PI4KA: variants seen among roughly 807,000 people sequenced by gnomAD.
PI4KA encodes PI4-kinase alpha.
PI4KA carries 122 observed loss-of-function variants against 271.4 expected under a neutral mutation model. The observed-to-expected ratio is 0.45, with a 90% confidence interval of 0.39 to 0.52. PI4KA has a LOEUF of 0.52. Ranked by LOEUF, PI4KA falls within the 20% of genes least tolerant of loss-of-function variation. The pLI is 0.00. For missense variants in PI4KA, 1,969 were observed against 2,769.1 expected, an observed-to-expected ratio of 0.71 and a Z score of 6.48; for synonymous variants, 1,041 against 1,078.8, an observed-to-expected ratio of 0.96 and a Z score of 0.69.
chr22:20,718,936 G>A, intron 43 of PI4KA, 114 bp from the exon 44 acceptor site: 1 of 1,119,128 alleles, frequency 8.9e-7, no homozygotes, highest in Admixed American at 2.5e-5. Flanking sequence ...TGCTCTGCAG[G>A]CTTGGTGAGA....
At chr22:20,741,068 A>AT (rs1261700783) in intron 32 of PI4KA, among the ~76,000 whole-genome samples, 2 of 152,204 alleles carry the variant, frequency 1.3e-5, no homozygotes, top group African/African-American at 2.4e-5. Flanking sequence ...AAGACTTTTG[A>AT]TTTTTTTGAA....
intron 28 of PI4KA, 95 bp from the exon 29 acceptor site, chr22:20,747,797 C>A (rs776941018): frequency 8.1e-5 from 99 of 1,218,920 alleles, no homozygotes; most frequent in Non-Finnish European, 1.1e-4. Context: ...TGTGGTGGCA[C>A]GATCATGGCT....
chr22:20,714,779 T>G (rs1925763509), intron 45 of PI4KA, 79 bp from the exon 46 acceptor site: 1 of 1,492,320 alleles, frequency 6.7e-7, no homozygotes, highest in South Asian at 1.2e-5. Flanking sequence ...ACACGGATGT[T>G]ACATGCGTGT....
chr22:20,714,907 C>T lies in PI4KA; in HGVS notation c.5318-207G>A, dbSNP rs1460329295. The stretch of plus-strand genomic sequence containing the variant: ...GTCCTCCTTGACTCTTCGACTCTTC[C>T]AGCCATCAACCAAATAAGTCTGCAC... On this transcript the variant is annotated intron_variant, in intron 45 of 54. Coordinates refer to ENST00000255882, the MANE Select transcript of PI4KA (RefSeq NM_058004.4). 3.3e-5 allele frequency among the ~76,000 whole-genome samples: 5 copies of T among 152,292 alleles called. No homozygotes were observed. In the East Asian group the frequency reaches 9.6e-4, roughly 29 times the overall value.
intron 1 of PI4KA, among the ~76,000 whole-genome samples, chr22:20,846,263 CAA>C (rs361641): frequency 0.49 from 39,883 of 80,572 alleles, 5,574 homozygotes; most frequent in African/African-American, 0.53. Context: ...GACTCTATCT[CAA>C]AAAAAAAAAA....
rs361914 is a variant in PI4KA at position 20,824,732 on chromosome 22, TCACACACACACACA to T, written c.368-332_368-319del. 3.9e-3 allele frequency among the ~76,000 whole-genome samples: 537 copies of T among 136,292 alleles called. 3 individuals carry two copies. Among genetic ancestry groups the T allele is most frequent in the African/African-American group, 9.9e-3 (362 of 36,468 alleles). The allele number at this position is 136,292 out of a possible 152,430, so 89.4% of individuals were successfully genotyped here. On this transcript the variant is annotated intron_variant, in intron 3 of 54. Coordinates refer to ENST00000255882, the MANE Select transcript of PI4KA (RefSeq NM_058004.4). Reference sequence around the variant, plus strand: ...TTATTCCCTAAGTAAATGTGATAAATCACACACACACACACACACACACACACACACACACACAC... The same window carrying T: ...TTATTCCCTAAGTAAATGTGATAAATCACACACACACACACACACACACAC...
chr22:20,726,481 G>T lies in PI4KA; in HGVS notation c.4995+7C>A, dbSNP rs1482607761. The T allele has an allele frequency of 1.9e-6, 3 of 1,558,176 alleles. No individual in the cohort carries two copies. Among genetic ancestry groups the T allele is most frequent in the Non-Finnish European group, 2.6e-6 (3 of 1,158,912 alleles). On this transcript the variant is annotated splice_region_variant and intron_variant, in intron 42 of 54. Coordinates refer to ENST00000255882, the MANE Select transcript of PI4KA (RefSeq NM_058004.4). ...TGAAGAGGACGGCCATGCAGGTGCA[G>T]GCTTACCTTGTCGTACCTGAGGGCC...
intron 15 of PI4KA, 37 bp from the exon 16 acceptor site, chr22:20,799,313 C>T (rs767246773): frequency 6.7e-7 from 1 of 1,495,128 alleles, no homozygotes; most frequent in Non-Finnish European, 8.9e-7. Flanking sequence ...TAGCAACAGT[C>T]CCTCCAGCAT....
rs1470346794 is a variant in PI4KA at position 20,765,305 on chromosome 22, A to G, written c.2438-69T>C. 2.1e-6 allele frequency: 3 copies of G among 1,448,316 alleles called. No individual in the cohort carries two copies. The African/African-American group carries it at 4.2e-5, about 20-fold the overall frequency. The allele number at this position is 1,448,316 out of a possible 1,614,324, so 89.7% of individuals were successfully genotyped here. A position where few individuals can be genotyped will look rare whatever the true frequency, so the allele number is the denominator to read the frequency against. On this transcript the variant is annotated intron_variant, in intron 20 of 54. Coordinates refer to ENST00000255882, the MANE Select transcript of PI4KA (RefSeq NM_058004.4). ...AAGCACTGCAGTGAGGTTGACTGACAATTTCTATAGTCATGGGTCCTTTGA... is the reference window on the plus strand; with the variant it reads ...AAGCACTGCAGTGAGGTTGACTGACGATTTCTATAGTCATGGGTCCTTTGA...
At chr22:20,799,848 C>T in intron 14 of PI4KA, 82 bp from the exon 15 acceptor site, 2 of 821,592 alleles carry the variant, frequency 2.4e-6, no homozygotes, top group Non-Finnish European at 3.9e-6. Context: ...CTTCCTTAGG[C>T]CTACAAAGTT....
chr22:20,841,592 T>A (rs868663483), intron 1 of PI4KA, among the ~76,000 whole-genome samples: 12 of 152,328 alleles, frequency 7.9e-5, no homozygotes, highest in Middle Eastern at 6.8e-3. Flanking sequence ...GATTCCATGA[T>A]TTATGCACTA....
chr22:20,739,501 G>C (rs1369331601), intron 32 of PI4KA, among the ~76,000 whole-genome samples: 2 of 146,544 alleles, frequency 1.4e-5, no homozygotes, highest in African/African-American at 5.0e-5. Flanking sequence ...AAAAAATAAA[G>C]ACCTCCTTCT....
chr22:20,815,678 G>A (rs1175777044), intron 7 of PI4KA, among the ~76,000 whole-genome samples: 4 of 152,118 alleles, frequency 2.6e-5, no homozygotes, highest in Non-Finnish European at 4.4e-5. Context: ...GAGACGCCAA[G>A]AGGCCAACAT....
chr22:20,739,202 CG>C (rs67968729), intron 32 of PI4KA, among the ~76,000 whole-genome samples: 61,933 of 151,202 alleles, frequency 0.41, 13,123 homozygotes, highest in African/African-American at 0.49. Flanking sequence ...AAAAATTAGC[CG>C]GGCGTGGTGG....
intron 19 of PI4KA, among the ~76,000 whole-genome samples, chr22:20,783,253 A>T (rs1001422897): frequency 1.1e-4 from 16 of 152,140 alleles, no homozygotes; most frequent in African/African-American, 3.9e-4. Context: ...GCATCACCCA[A>T]ATGTCTTGTT....
At chr22:20,804,876 G>A in intron 11 of PI4KA, 98 bp downstream of exon 11, 1 of 984,378 alleles carries the variant, frequency 1.0e-6, no homozygotes, top group Middle Eastern at 3.3e-4. Flanking sequence ...GCTGGTAACA[G>A]AGCCAAGTGT....
chr22:20,763,710 G>C (rs967541954), intron 22 of PI4KA, among the ~76,000 whole-genome samples: 1 of 152,184 alleles, frequency 6.6e-6, no homozygotes, highest in Non-Finnish European at 1.5e-5. Flanking sequence ...AAAGTGCTGG[G>C]GTTACAGGTG....
At chr22:20,761,833 A>G (rs992699655) in intron 22 of PI4KA, among the ~76,000 whole-genome samples, 1 of 152,260 alleles carries the variant, frequency 6.6e-6, no homozygotes, top group Non-Finnish European at 1.5e-5. Flanking sequence ...ACACATGTCC[A>G]GCATGACCCC....
intron 3 of PI4KA, among the ~76,000 whole-genome samples, chr22:20,833,159 G>A (rs925550290): frequency 6.6e-6 from 1 of 152,054 alleles, no homozygotes; most frequent in African/African-American, 2.4e-5. Flanking sequence ...GGGGACTAAG[G>A]CTCAGCTCAG....
Sources: gnomAD v4.1 joint callset for allele counts (sites outside exome capture counted in the v4.1 genomes callset) on GRCh38, gnomAD v4.1.1 for gene constraint, MANE v1.5 for transcripts, NCBI Gene and HGNC (gene_info 2026-07-23, HGNC 2026-07-21) for gene names.